The following SAGE1 variants were observed in gnomAD, a reference collection of about 807,000 sequenced individuals.
The protein encoded by SAGE1 is sarcoma antigen 1.
A neutral mutation model predicts 55.4 loss-of-function variants in SAGE1; 55 were observed. That is an observed-to-expected ratio of 0.99 (90% CI 0.80 to 1.24). SAGE1 has a LOEUF of 1.24. Among genes scored for constraint, SAGE1 ranks in the 50% most tolerant of loss-of-function variants. The probability of loss-of-function intolerance (pLI) is 0.00; values close to 1 mark genes in which losing one functional copy is unlikely to be tolerated. For missense variants in SAGE1, 710 were observed against 704.4 expected (o/e 1.01, Z -0.09); for synonymous variants, 240 against 244.3 (o/e 0.98, Z 0.17).
intron 6 of SAGE1, 121 bp from the exon 7 acceptor site, chrX:135,906,290 C>T (rs2088787522): frequency 9.4e-7 from 1 of 1,067,751 alleles, no homozygotes; most frequent in East Asian, 3.0e-5. Context: ...CTCACATCAC[C>T]ACCTGATATA....
rs782155588 is a variant in SAGE1, at chrX:135,911,385, A to C, written c.2146+53A>C. 9 of 1,116,995 alleles carry C rather than the reference A, an allele frequency of 8.1e-6. No homozygotes were observed. In the Admixed American group the frequency reaches 1.6e-4, roughly 20 times the overall value. 92.1% of individuals were successfully genotyped at this position (1,116,995 alleles called of 1,213,427 possible). On this transcript the variant is annotated intron_variant, in intron 17 of 19. Coordinates refer to ENST00000370709, the MANE Select transcript of SAGE1 (RefSeq NM_001381902.1). Reference sequence around the variant, plus strand: ...CTACTTGGTTTCCATATGCATGCATAGTGTCCTGCAGGGAAGAAGGTGGTT... The same window carrying C: ...CTACTTGGTTTCCATATGCATGCATCGTGTCCTGCAGGGAAGAAGGTGGTT...
At position 135,906,048 on chromosome X, in the gene SAGE1, G is replaced by A. The variant is rs201111165; in HGVS notation, c.479G>A (p.Arg160His). Residue 160 changes from arginine (R) to histidine (H), a missense_variant, in exon 6 of 20, where the codon CGT becomes CAT. Transcript: ENST00000370709. ...DLHSTVTHNI[R>H]EERMENGQPQ... ...GATTCTACCGTCACTCACAATATCC[G>A]TGAAGAGAGAATGGAAAATGGCCAA... The A allele has an allele frequency of 2.2e-5, 27 of 1,205,699 alleles. No homozygotes were observed. The highest frequency in any genetic ancestry group is 2.3e-4 in the Middle Eastern group (1 of 4,332).
intron 15 of SAGE1, 87 bp from the exon 16 acceptor site, chrX:135,910,328 T>G (rs1223360252): frequency 7.3e-6 from 8 of 1,089,447 alleles, no homozygotes; most frequent in East Asian, 3.0e-5. Context: ...ATGAGATAAT[T>G]TCCTAGATAC....
chrX:135,898,238 C>T (rs2088617567), intron 2 of SAGE1, among the ~76,000 whole-genome samples: 1 of 110,561 alleles, frequency 9.0e-6, no homozygotes, highest in African/African-American at 3.3e-5. Flanking sequence ...CCAGGATGGT[C>T]TCCATCTCCT....
At chrX:135,904,611 T>TCTGTGTATG (rs1556599034) in intron 4 of SAGE1, 42 bp downstream of exon 4, 123 of 557,913 alleles carry the variant, frequency 2.2e-4, no homozygotes, top group Admixed American at 7.4e-4. Flanking sequence ...GAGTATGAAA[T>TCTGTGTATG]TCATCCATGA....
intron 15 of SAGE1, 43 bp downstream of exon 15, chrX:135,910,213 A>G: frequency 1.8e-6 from 2 of 1,136,812 alleles, no homozygotes; most frequent in South Asian, 1.9e-5. Context: ...TGGTTTCCAT[A>G]TGCATGCATA....
Position 135,906,467 on chromosome X carries a change from C to A in SAGE1, c.652C>A (p.Pro218Thr). ...GAAGATGGAAAATGTCCAACCAGCA[C>A]CTGATAACGTGTTGTTGACTCTTCG... is the stretch of plus-strand genomic sequence containing the variant. ...EQKMENVQPA[P>T]DNVLLTLRPR... is the part of the protein sequence containing the mutation. The change falls in exon 7 of 20, where the codon CCT becomes ACT. Residue 218 changes from proline (P) to threonine (T), a missense_variant. Transcript: ENST00000370709. 1 of 1,210,178 alleles carries A rather than the reference C, an allele frequency of 8.3e-7. No homozygotes were observed. The highest frequency in any genetic ancestry group is 1.1e-6 in the Non-Finnish European group (1 of 893,899).
chrX:135,910,871 T>A (rs1198982650), intron 16 of SAGE1, among the ~76,000 whole-genome samples: 1 of 111,262 alleles, frequency 9.0e-6, no homozygotes, highest in Non-Finnish European at 1.9e-5. Flanking sequence ...TCTCATAACT[T>A]CTTGTTAACC....
intron 2 of SAGE1, among the ~76,000 whole-genome samples, chrX:135,899,322 C>T (rs1225554597): frequency 9.0e-6 from 1 of 111,415 alleles, no homozygotes; most frequent in South Asian, 3.8e-4. Context: ...ATCTTATTTC[C>T]GAGTTCTCTA....
intron 3 of SAGE1, among the ~76,000 whole-genome samples, chrX:135,903,119 C>T (rs2088708646): frequency 9.0e-6 from 1 of 111,543 alleles, no homozygotes; most frequent in Non-Finnish European, 1.9e-5. Flanking sequence ...TTCCTCCTGG[C>T]TCTCTCTGCC....
intron 2 of SAGE1, among the ~76,000 whole-genome samples, chrX:135,898,001 G>T (rs1556594634): frequency 8.9e-6 from 1 of 112,247 alleles, no homozygotes; most frequent in Non-Finnish European, 1.9e-5. Context: ...CAAAGGACAT[G>T]ATCTCATTCC....
chrX:135,910,168 A>G lies in SAGE1; in HGVS notation c.1862A>G (p.Gln621Arg). 8.3e-7 allele frequency: 1 copy of G among 1,203,150 alleles called. No individual in the cohort carries two copies. Among genetic ancestry groups the G allele is most frequent in the Non-Finnish European group, 1.1e-6 (1 of 889,326 alleles). ...TGVSSMSTRD[Q>R]YAAVTHNIRE... is the part of the protein sequence containing the mutation. The stretch of plus-strand genomic sequence containing the variant: ...GTTTCATCCATGAGTACCAGGGATC[A>G]GTGTAAGTTTATTCACTTGTTGTAC... The change falls in exon 15 of 20, where the codon CAG becomes CGG. Residue 621 changes from glutamine (Q) to arginine (R), a missense_variant and splice_region_variant. Coordinates refer to ENST00000370709, the MANE Select transcript of SAGE1 (RefSeq NM_001381902.1).
chrX:135,910,365 G>A (rs781940772), intron 15 of SAGE1, 50 bp from the exon 16 acceptor site: 36 of 1,183,532 alleles, frequency 3.0e-5, no homozygotes, highest in South Asian at 9.1e-5. Flanking sequence ...ATGCCTGTGC[G>A]GTTGACATAA....
chrX:135,910,581 TC>T, intron 16 of SAGE1, 26 bp downstream of exon 16: 1 of 1,184,807 alleles, frequency 8.4e-7, no homozygotes, highest in Non-Finnish European at 1.1e-6. Flanking sequence ...AGTTGTGCTG[TC>T]CTACTTGGTT....
intron 4 of SAGE1, among the ~76,000 whole-genome samples, chrX:135,904,797 G>A (rs2088754707): frequency 9.0e-6 from 1 of 110,905 alleles, no homozygotes; most frequent in Non-Finnish European, 1.9e-5. Context: ...TGAACACAGA[G>A]GAATATACCT....
intron 2 of SAGE1, among the ~76,000 whole-genome samples, chrX:135,896,635 CG>C (rs1569520825): frequency 2.8e-5 from 3 of 106,591 alleles, no homozygotes; most frequent in African/African-American, 1.0e-4. Flanking sequence ...CTCAGCTCAC[CG>C]CAACCTCCAC....
chrX:135,912,538 C>T, intron 19 of SAGE1, 124 bp downstream of exon 19: 1 of 1,161,891 alleles, frequency 8.6e-7, no homozygotes, highest in Non-Finnish European at 1.1e-6. Context: ...CATGCTATTT[C>T]CACAGGCATT....
At chrX:135,912,212 G>C (rs1459784685) in intron 18 of SAGE1, 109 bp from the exon 19 acceptor site, 1 of 1,109,004 alleles carries the variant, frequency 9.0e-7, no homozygotes, top group Non-Finnish European at 1.2e-6. Flanking sequence ...CAAGCACTAT[G>C]TAACATTGTA....
chrX:135,897,971 T>C (rs1228171791), intron 2 of SAGE1, among the ~76,000 whole-genome samples: 1 of 112,559 alleles, frequency 8.9e-6, no homozygotes, highest in Non-Finnish European at 1.9e-5. Flanking sequence ...TAACGGCTTC[T>C]AGCTCCATCC....
Sources: allele counts gnomAD v4.1 joint callset (sites outside exome capture counted in the v4.1 genomes callset), GRCh38; gene constraint gnomAD v4.1.1; transcripts MANE v1.5; gene names NCBI Gene and HGNC (gene_info 2026-07-23, HGNC 2026-07-21).